Variants in LIMA1 observed in about 807,000 individuals in gnomAD.
LIMA1 encodes LIM domain and actin-binding protein 1.
LIMA1 carries 52 observed loss-of-function variants against 62.6 expected under a neutral mutation model. The ratio of observed to expected loss-of-function variants is 0.83; its 90% CI spans 0.67 to 1.05. The LOEUF is 1.05. Among genes scored for constraint, LIMA1 ranks in the 50% least tolerant of loss-of-function variants. LIMA1 has a pLI of 0.00. For missense variants in LIMA1, 780 were observed against 902.2 expected, an observed-to-expected ratio of 0.86 and a Z score of 1.74; for synonymous variants, 302 against 317.8, an observed-to-expected ratio of 0.95 and a Z score of 0.53.
At chr12:50,190,712 T>C (rs11169306) in intron 9 of LIMA1, among the ~76,000 whole-genome samples, 36,228 of 104,532 alleles carry the variant, frequency 0.35, 7,499 homozygotes, top group East Asian at 0.78. Context: ...TTTTTTTTTT[T>C]TTTTTTCAGA....
At chr12:50,266,453 A>G (rs924839522) in intron 1 of LIMA1, among the ~76,000 whole-genome samples, 1 of 152,218 alleles carries the variant, frequency 6.6e-6, no homozygotes, top group African/African-American at 2.4e-5. Context: ...CTCAGGGCAT[A>G]CAGATCTATC....
In LIMA1 at chr12:50,181,069, G is replaced by A. The variant is rs183819404; in HGVS notation, c.1274+835C>T. ...AGAGGTTGCAGTGAGCTGAGATCAC[G>A]CCACTGCACTCCACCCTGGGCAACA... On this transcript the variant is annotated intron_variant, in intron 10 of 10. Coordinates refer to ENST00000341247, the MANE Select transcript of LIMA1 (RefSeq NM_016357.5). Among the ~76,000 whole-genome samples, 836 of 134,214 alleles carry A rather than the reference G, an allele frequency of 6.2e-3. 26 individuals carry two copies. The highest frequency in any genetic ancestry group is 0.062 in the Admixed American group (757 of 12,204). The allele number at this position is 134,214 out of a possible 152,430, so 88.0% of individuals were successfully genotyped here. A position where few individuals can be genotyped will look rare whatever the true frequency, so the allele number is the denominator to read the frequency against.
intron 5 of LIMA1, 47 bp downstream of exon 5, chr12:50,205,937 G>A (rs1941143970): frequency 2.8e-6 from 4 of 1,408,262 alleles, no homozygotes; most frequent in Non-Finnish European, 4.0e-6. Flanking sequence ...GTTACTACTA[G>A]TGAGTACTTC....
intron 2 of LIMA1, among the ~76,000 whole-genome samples, chr12:50,240,911 AAG>A (rs1167470258): frequency 6.6e-6 from 1 of 152,086 alleles, no homozygotes; most frequent in Non-Finnish European, 1.5e-5. Flanking sequence ...ACTGACAAGG[AAG>A]AGAGAGAGAG....
chr12:50,257,355 A>G (rs1280843169), intron 1 of LIMA1, among the ~76,000 whole-genome samples: 2 of 152,156 alleles, frequency 1.3e-5, no homozygotes, highest in African/African-American at 4.8e-5. Flanking sequence ...AGGCCGAAAG[A>G]GTGAGGGTCG....
intron 2 of LIMA1, among the ~76,000 whole-genome samples, chr12:50,236,659 T>C (rs1479384483): frequency 6.6e-6 from 1 of 152,090 alleles, no homozygotes; most frequent in Non-Finnish European, 1.5e-5. Context: ...TTGGAGTCCT[T>C]CTCCCTCTGT....
chr12:50,261,498 C>G (rs541418246), intron 1 of LIMA1, among the ~76,000 whole-genome samples: 4 of 152,086 alleles, frequency 2.6e-5, no homozygotes, highest in South Asian at 2.1e-4. Flanking sequence ...CTACTCCCCC[C>G]GAGGACACTG....
chr12:50,197,823 T>TTA (rs397693385), intron 7 of LIMA1, among the ~76,000 whole-genome samples: 1 of 151,590 alleles, frequency 6.6e-6, no homozygotes, highest in Non-Finnish European at 1.5e-5. Flanking sequence ...TTTTTTTTTT[T>TTA]AACAGTATAT....
At chr12:50,281,972 T>C (rs1044115090) in intron 1 of LIMA1, among the ~76,000 whole-genome samples, 25 of 152,218 alleles carry the variant, frequency 1.6e-4, no homozygotes, top group African/African-American at 6.0e-4. Flanking sequence ...TTTGGCACTT[T>C]GAATCTACAG....
At chr12:50,213,797 C>CA (rs1422714865) in intron 4 of LIMA1, among the ~76,000 whole-genome samples, 1 of 152,150 alleles carries the variant, frequency 6.6e-6, no homozygotes, top group Non-Finnish European at 1.5e-5. Flanking sequence ...ATATAGCCAA[C>CA]ATTGCTTAAA....
rs750813076 is a variant in LIMA1, at chr12:50,177,015, G to A, written c.*49C>T. ...GCATCACATTTTGACAAAGGGCAGTGGCTCGCTAACACTAACATGAATTTA... is the reference window on the plus strand; with the variant it reads ...GCATCACATTTTGACAAAGGGCAGTAGCTCGCTAACACTAACATGAATTTA... On this transcript the variant is annotated 3_prime_UTR_variant, in exon 11 of 11. Transcript: ENST00000341247. 2 of 1,427,376 alleles carry A rather than the reference G, an allele frequency of 1.4e-6. No individual in the cohort carries two copies. The highest frequency in any genetic ancestry group is 1.9e-6 in the Non-Finnish European group (2 of 1,070,728). 88.4% of individuals were successfully genotyped at this position (1,427,376 alleles called of 1,614,324 possible).
At chr12:50,216,603 G>A (rs1468730519) in intron 4 of LIMA1, among the ~76,000 whole-genome samples, 1 of 152,072 alleles carries the variant, frequency 6.6e-6, no homozygotes, top group African/African-American at 2.4e-5. Flanking sequence ...ATTCAGGCTG[G>A]GCGCGGTAGC....
intron 3 of LIMA1, among the ~76,000 whole-genome samples, chr12:50,229,437 C>T (rs913827838): frequency 2.0e-5 from 3 of 151,994 alleles, no homozygotes; most frequent in African/African-American, 7.3e-5. Flanking sequence ...CAAACTATCG[C>T]AAGGACAAAA....
At chr12:50,209,507 G>A (rs1459692954) in intron 4 of LIMA1, among the ~76,000 whole-genome samples, 2 of 145,756 alleles carry the variant, frequency 1.4e-5, no homozygotes, top group Non-Finnish European at 3.0e-5. Flanking sequence ...GATGGAGGTT[G>A]CAGTGAGCAG....
chr12:50,253,309 A>T (rs1476355177), intron 1 of LIMA1, among the ~76,000 whole-genome samples: 1 of 152,234 alleles, frequency 6.6e-6, no homozygotes, highest in East Asian at 1.9e-4. Context: ...TGCTTTGCAT[A>T]TATCTCAATC....
At chr12:50,197,523 C>G (rs1940957376) in intron 7 of LIMA1, among the ~76,000 whole-genome samples, 1 of 152,132 alleles carries the variant, frequency 6.6e-6, no homozygotes. Flanking sequence ...GCAGCATGTG[C>G]TTGAAGAATA....
chr12:50,185,680 C>T, intron 9 of LIMA1: 1 of 356,150 alleles, frequency 2.8e-6, no homozygotes, highest in Non-Finnish European at 5.5e-6. Flanking sequence ...TGAGCCTTCA[C>T]CCACACAAGG....
chr12:50,222,026 T>C lies in LIMA1; in HGVS notation c.625A>G (p.Thr209Ala). Residue 209 changes from threonine to alanine, a missense_variant, in exon 4 of 11, where the codon ACT becomes GCT. By Grantham distance (58) the Thr-to-Ala change is moderately conservative. Coordinates refer to ENST00000341247, the MANE Select transcript of LIMA1 (RefSeq NM_016357.5). ...CAAACCCGCCCAATTCTTACCTTAG[T>C]TTGAGTTGGTTCACCTTTCTCAAAC... ...MMFEKGEPTQ[T>A]KILRAQSRSA... 1 of 1,607,124 alleles carries C rather than the reference T, an allele frequency of 6.2e-7. No individual in the cohort carries two copies. Among genetic ancestry groups the C allele is most frequent in the Non-Finnish European group, 8.5e-7 (1 of 1,176,220 alleles).
chr12:50,191,352 C>T (rs1239362670), intron 9 of LIMA1: 5 of 130,326 alleles, frequency 3.8e-5, no homozygotes, highest in African/African-American at 8.7e-5. Flanking sequence ...ATGGCAAAAT[C>T]ACATCTCTTA....
Sources: gnomAD v4.1 joint callset for allele counts (sites outside exome capture counted in the v4.1 genomes callset) on GRCh38, gnomAD v4.1.1 for gene constraint, MANE v1.5 for transcripts, NCBI Gene and HGNC (gene_info 2026-07-23, HGNC 2026-07-21) for gene names.